FSTL4: variants seen among roughly 807,000 people sequenced by gnomAD.
The protein encoded by FSTL4 is follistatin-related protein 4.
Under a neutral mutation model 78.2 loss-of-function variants are expected in FSTL4, and 28 were observed. That is an observed-to-expected ratio of 0.36 (90% CI 0.27 to 0.49). The LOEUF is 0.49. Ranked by LOEUF, FSTL4 falls within the 20% of genes least tolerant of loss-of-function variation. The pLI is 0.98. For missense variants in FSTL4, 922 were observed against 1,084.9 expected (o/e 0.85, Z 2.11); for synonymous variants, 422 against 440.5 (o/e 0.96, Z 0.53).
At chr5:133,528,535 C>T (rs1198300352) in intron 3 of FSTL4, among the ~76,000 whole-genome samples, 3 of 152,230 alleles carry the variant, frequency 2.0e-5, no homozygotes, top group African/African-American at 7.2e-5. Flanking sequence ...TCACGCTGAA[C>T]TGTGATTCCT....
chr5:133,498,070 T>C (rs1758407782), intron 3 of FSTL4, among the ~76,000 whole-genome samples: 1 of 151,832 alleles, frequency 6.6e-6, no homozygotes. Flanking sequence ...TGCTATCCCA[T>C]AATATTCTTT....
intron 3 of FSTL4, among the ~76,000 whole-genome samples, chr5:133,447,737 G>A (rs958010879): frequency 2.2e-4 from 34 of 152,136 alleles, no homozygotes; most frequent in African/African-American, 7.2e-4. Flanking sequence ...ACAGGGTTTC[G>A]CCATGTTGGC....
At chr5:133,541,545 G>T (rs1494669) in intron 3 of FSTL4, among the ~76,000 whole-genome samples, 1 of 152,004 alleles carries the variant, frequency 6.6e-6, no homozygotes. Flanking sequence ...AACAAGAGGA[G>T]GGTCAAAGAC....
the FSTL4 span, among the ~76,000 whole-genome samples, chr5:133,748,197 AAAG>A: frequency 3.5e-5 from 5 of 142,828 alleles, 1 homozygote; most frequent in South Asian, 4.4e-4. Flanking sequence ...CGTCTCAAAA[AAAG>A]AAGAAGAAAA....
chr5:133,750,709 C>A, the FSTL4 span, among the ~76,000 whole-genome samples: 48 of 152,244 alleles, frequency 3.2e-4, no homozygotes, highest in African/African-American at 9.9e-4. Context: ...CTTAGGGATT[C>A]GTCTACTAAA....
At chr5:133,763,687 C>G in the FSTL4 span, among the ~76,000 whole-genome samples, 1 of 152,174 alleles carries the variant, frequency 6.6e-6, no homozygotes. Flanking sequence ...TCCTCCCCAC[C>G]TCCCCCAACC....
At chr5:133,489,292 G>A (rs1758208524) in intron 3 of FSTL4, among the ~76,000 whole-genome samples, 1 of 152,166 alleles carries the variant, frequency 6.6e-6, no homozygotes, top group African/African-American at 2.4e-5. Flanking sequence ...GTTGGGATGG[G>A]GCCAAGTGTC....
the FSTL4 span, among the ~76,000 whole-genome samples, chr5:133,804,750 C>T: frequency 6.6e-6 from 1 of 152,000 alleles, no homozygotes; most frequent in Non-Finnish European, 1.5e-5. Flanking sequence ...CGAGACCATC[C>T]TGGTTAACAC....
the FSTL4 span, among the ~76,000 whole-genome samples, chr5:133,730,814 T>C: frequency 6.6e-6 from 1 of 152,134 alleles, no homozygotes; most frequent in Admixed American, 6.6e-5. Flanking sequence ...TCTGGAGCAA[T>C]TAGAGAACAC....
intron 3 of FSTL4, among the ~76,000 whole-genome samples, chr5:133,431,018 C>G (rs1756925446): frequency 6.6e-6 from 1 of 152,166 alleles, no homozygotes; most frequent in South Asian, 2.1e-4. Context: ...GAAAAAACAG[C>G]ACATACATGT....
chr5:133,795,539 G>A, the FSTL4 span, among the ~76,000 whole-genome samples: 53 of 152,314 alleles, frequency 3.5e-4, no homozygotes, highest in East Asian at 3.1e-3. Flanking sequence ...AAGTTTAACA[G>A]GTTTCTTTAG....
chr5:133,393,502 G>A lies in FSTL4; in HGVS notation c.409+7236C>T, dbSNP rs542090446. Among the ~76,000 whole-genome samples the A allele has an allele frequency of 5.3e-5, 8 of 152,346 alleles. No homozygotes were observed. In the South Asian group the frequency reaches 1.7e-3, roughly 32 times the overall value. On this transcript the variant is annotated intron_variant, in intron 4 of 15. Coordinates refer to ENST00000265342, the MANE Select transcript of FSTL4 (RefSeq NM_015082.2). Reference sequence around the variant, plus strand: ...CTGTGGAGCTTAAAGTGAAGGCCAGGAAGAGGGCTGGGGACAGAGAGATCC... The same window carrying A: ...CTGTGGAGCTTAAAGTGAAGGCCAGAAAGAGGGCTGGGGACAGAGAGATCC...
At chr5:133,595,258 G>C (rs940336582) in intron 2 of FSTL4, among the ~76,000 whole-genome samples, 1 of 152,188 alleles carries the variant, frequency 6.6e-6, no homozygotes, top group Non-Finnish European at 1.5e-5. Context: ...CCTGGTTCAA[G>C]AAGAAAGTTA....
intron 2 of FSTL4, among the ~76,000 whole-genome samples, chr5:133,570,103 G>A (rs1169737686): frequency 6.6e-6 from 1 of 151,618 alleles, no homozygotes; most frequent in African/African-American, 2.4e-5. Flanking sequence ...CAGCTACTCG[G>A]GAGTCTGAGG....
intron 3 of FSTL4, among the ~76,000 whole-genome samples, chr5:133,494,549 A>G (rs1440243563): frequency 6.6e-6 from 1 of 152,192 alleles, no homozygotes; most frequent in African/African-American, 2.4e-5. Flanking sequence ...TCCTGCCACC[A>G]CAGAATACAC....
chr5:133,385,080 T>C (rs932817013), intron 4 of FSTL4, among the ~76,000 whole-genome samples: 4 of 152,056 alleles, frequency 2.6e-5, no homozygotes, highest in African/African-American at 9.7e-5. Flanking sequence ...TGGTTTACAA[T>C]AGGCAGGGGG....
the FSTL4 span, among the ~76,000 whole-genome samples, chr5:133,752,983 A>G: frequency 1.6e-4 from 24 of 152,236 alleles, no homozygotes; most frequent in Non-Finnish European, 3.4e-4. Context: ...TGTGATTCTC[A>G]TACTATTTTG....
At chr5:133,209,883 G>A (rs1357621192) in intron 14 of FSTL4, 2 of 276,818 alleles carry the variant, frequency 7.2e-6, no homozygotes, top group Non-Finnish European at 1.4e-5. Flanking sequence ...GGACCCCAGA[G>A]CCTCATTCTG....
At chr5:133,358,681 C>A (rs1304656773) in intron 4 of FSTL4, among the ~76,000 whole-genome samples, 1 of 148,530 alleles carries the variant, frequency 6.7e-6, no homozygotes, top group Non-Finnish European at 1.5e-5. Flanking sequence ...TTCACTGCAA[C>A]CTCTGCCTCC....
Sources: gnomAD v4.1 joint callset for allele counts (sites outside exome capture counted in the v4.1 genomes callset) on GRCh38, gnomAD v4.1.1 for gene constraint, MANE v1.5 for transcripts, NCBI Gene and HGNC (gene_info 2026-07-23, HGNC 2026-07-21) for gene names.